The following SLC9B1 variants were observed in gnomAD, a reference collection of about 807,000 sequenced individuals.
The protein encoded by SLC9B1 is solute carrier family 9 member B1.
A neutral mutation model predicts 51.7 loss-of-function variants in SLC9B1; 32 were observed. That is an observed-to-expected ratio of 0.62 (90% CI 0.47 to 0.83). The LOEUF (loss-of-function observed/expected upper bound fraction) is 0.83, where lower values mean the gene tolerates loss of function less well. Ranked by LOEUF, SLC9B1 falls within the 40% of genes least tolerant of loss-of-function variation. The pLI is 0.00. For synonymous variants in SLC9B1, 145 were observed against 212.7 expected, an observed-to-expected ratio of 0.68 and a Z score of 2.77; for missense variants, 406 against 613.2, an observed-to-expected ratio of 0.66 and a Z score of 3.57.
intron 3 of SLC9B1, among the ~76,000 whole-genome samples, chr4:102,978,684 G>A: frequency 6.6e-6 from 1 of 152,146 alleles, no homozygotes; most frequent in Non-Finnish European, 1.5e-5. Flanking sequence ...GAGAGGATGT[G>A]GAGAAATAGG....
At chr4:102,968,990 C>T (rs1050598663) in intron 3 of SLC9B1, among the ~76,000 whole-genome samples, 3 of 152,180 alleles carry the variant, frequency 2.0e-5, no homozygotes, top group Non-Finnish European at 2.9e-5. Flanking sequence ...GGAGGGGCGT[C>T]CACCATTGCT....
At chr4:102,970,983 T>C (rs1229556509) in intron 3 of SLC9B1, among the ~76,000 whole-genome samples, 1 of 152,134 alleles carries the variant, frequency 6.6e-6, no homozygotes, top group Non-Finnish European at 1.5e-5. Context: ...CCCAGATTCA[T>C]AAAGCAAGTC....
At chr4:103,019,547 G>T (rs1001219986) in intron 1 of SLC9B1, 52 bp downstream of exon 1, 1 of 981,940 alleles carries the variant, frequency 1.0e-6, no homozygotes, top group South Asian at 4.7e-5. Flanking sequence ...GGCAGACCCG[G>T]GACTAGCGCC....
chr4:102,888,207 G>C (rs1311320737), intron 11 of SLC9B1: 1 of 152,064 alleles, frequency 6.6e-6, no homozygotes, highest in Non-Finnish European at 1.5e-5. Context: ...TATTAAAATA[G>C]TTCAGTGTTC....
intron 7 of SLC9B1, among the ~76,000 whole-genome samples, chr4:102,928,075 G>A (rs1578354695): frequency 2.6e-5 from 4 of 151,840 alleles, no homozygotes; most frequent in South Asian, 2.1e-4. Flanking sequence ...GGGGCCTGTC[G>A]GGGGGTGGAG....
intron 1 of SLC9B1, among the ~76,000 whole-genome samples, chr4:103,007,965 A>C (rs1740877047): frequency 6.6e-6 from 1 of 152,192 alleles, no homozygotes. Context: ...TGACTGGATA[A>C]GTTTATTAGA....
intron 3 of SLC9B1, among the ~76,000 whole-genome samples, chr4:102,961,695 T>C (rs1362602999): frequency 6.6e-6 from 1 of 152,258 alleles, no homozygotes; most frequent in Non-Finnish European, 1.5e-5. Flanking sequence ...GACTGTCAAA[T>C]AGTAGGTTGA....
intron 6 of SLC9B1, among the ~76,000 whole-genome samples, chr4:102,941,641 A>T (rs1737003579): frequency 3.3e-5 from 1 of 30,294 alleles, no homozygotes; most frequent in African/African-American, 4.5e-4. Flanking sequence ...CTCCGTCTCA[A>T]AAAAAAAAAA....
chr4:102,937,284 G>A (rs1412757599), intron 6 of SLC9B1, among the ~76,000 whole-genome samples: 2 of 151,520 alleles, frequency 1.3e-5, no homozygotes, highest in Non-Finnish European at 2.9e-5. Flanking sequence ...TGTAATTTTA[G>A]TAGAGACGGG....
At chr4:102,907,007 G>A (rs1735089445) in intron 9 of SLC9B1, among the ~76,000 whole-genome samples, 1 of 152,084 alleles carries the variant, frequency 6.6e-6, no homozygotes, top group African/African-American at 2.4e-5. Context: ...ATAGGCATGA[G>A]CCACCATGCC....
intron 3 of SLC9B1, among the ~76,000 whole-genome samples, chr4:102,989,193 T>G (rs749646710): frequency 1.2e-4 from 19 of 152,082 alleles, no homozygotes; most frequent in Non-Finnish European, 2.5e-4. Flanking sequence ...CTTCAATTAC[T>G]TGTGCTTCAT....
chr4:102,933,038 C>A lies in SLC9B1; in HGVS notation c.654-739G>T, dbSNP rs530203900. On this transcript the variant is annotated intron_variant, in intron 6 of 11. Coordinates refer to ENST00000296422, the MANE Select transcript of SLC9B1 (RefSeq NM_139173.4). ...AATACCTTCTATTGACATATCTTAT[C>A]CAGAATTTCGCCTCATCTCTTCTAC... 1.4e-4 allele frequency among the ~76,000 whole-genome samples: 21 copies of A among 152,330 alleles called. No homozygotes were observed. In the South Asian group the frequency reaches 4.1e-3, roughly 30 times the overall value.
intron 11 of SLC9B1, among the ~76,000 whole-genome samples, chr4:102,904,204 C>G (rs766008098): frequency 1.3e-5 from 2 of 151,522 alleles, no homozygotes; most frequent in Non-Finnish European, 2.9e-5. Flanking sequence ...ACTACAAGTG[C>G]GTGCCAACAC....
intron 3 of SLC9B1, among the ~76,000 whole-genome samples, chr4:102,951,698 A>C (rs1169528710): frequency 6.6e-6 from 1 of 150,550 alleles, no homozygotes; most frequent in African/African-American, 2.5e-5. Flanking sequence ...ACACACACAC[A>C]AAAAAATGAG....
chr4:102,925,123 C>T (rs1736089968), intron 7 of SLC9B1, among the ~76,000 whole-genome samples: 1 of 152,074 alleles, frequency 6.6e-6, no homozygotes, highest in South Asian at 2.1e-4. Context: ...TATTGTGGCA[C>T]TATTCACAAT....
At chr4:102,936,832 A>G (rs1340248463) in intron 6 of SLC9B1, among the ~76,000 whole-genome samples, 1 of 152,216 alleles carries the variant, frequency 6.6e-6, no homozygotes, top group Non-Finnish European at 1.5e-5. Flanking sequence ...ATATTTGAGG[A>G]TACTGCCCAC....
At chr4:102,940,949 C>T (rs893614517) in intron 6 of SLC9B1, among the ~76,000 whole-genome samples, 1 of 152,140 alleles carries the variant, frequency 6.6e-6, no homozygotes, top group African/African-American at 2.4e-5. Context: ...GGACTCCATA[C>T]GTTTCACCGT....
chr4:102,973,569 A>T (rs1738874364), intron 3 of SLC9B1, among the ~76,000 whole-genome samples: 1 of 152,190 alleles, frequency 6.6e-6, no homozygotes, highest in Admixed American at 6.5e-5. Context: ...CATATGCTCA[A>T]ATTAGAGAAT....
At chr4:103,007,227 C>G (rs1740833058) in intron 1 of SLC9B1, among the ~76,000 whole-genome samples, 1 of 152,128 alleles carries the variant, frequency 6.6e-6, no homozygotes, top group Non-Finnish European at 1.5e-5. Flanking sequence ...TAGAAAACCC[C>G]ATAGTCTCTG....
Sources: gnomAD v4.1 joint callset for allele counts (sites outside exome capture counted in the v4.1 genomes callset) on GRCh38, gnomAD v4.1.1 for gene constraint, MANE v1.5 for transcripts, NCBI Gene and HGNC (gene_info 2026-07-23, HGNC 2026-07-21) for gene names.